CDH12: variants seen among roughly 807,000 people sequenced by gnomAD.
CDH12 encodes cadherin-12.
In CDH12, 41 loss-of-function variants were observed where a neutral mutation model predicts 74.1. The observed-to-expected ratio is 0.55, with a 90% CI of 0.43 to 0.72. CDH12 has a LOEUF of 0.72. CDH12 is among the 30% of genes least tolerant of loss of function. The probability of loss-of-function intolerance (pLI) is 0.00; values close to 1 mark genes in which losing one functional copy is unlikely to be tolerated. For synonymous variants in CDH12, 399 were observed against 355.0 expected (o/e 1.12, Z -1.39); for missense variants, 945 against 977.2 (o/e 0.97, Z 0.44).
intron 1 of CDH12, among the ~76,000 whole-genome samples, chr5:22,516,440 A>C (rs1323657484): frequency 2.0e-5 from 3 of 152,208 alleles, no homozygotes; most frequent in African/African-American, 7.2e-5. Flanking sequence ...TAATTGCTAT[A>C]ATCTATTGAT....
At chr5:22,038,481 C>T (rs1379255858) in intron 5 of CDH12, among the ~76,000 whole-genome samples, 2 of 152,152 alleles carry the variant, frequency 1.3e-5, no homozygotes, top group African/African-American at 2.4e-5. Flanking sequence ...GCTGCACAAC[C>T]CCTCCCAAAG....
At chr5:22,581,294 A>G (rs192177583) in intron 1 of CDH12, among the ~76,000 whole-genome samples, 12 of 152,344 alleles carry the variant, frequency 7.9e-5, no homozygotes, top group South Asian at 2.1e-4. Flanking sequence ...CTGAGTCCCA[A>G]CTGCTCCAGC....
chr5:22,670,697 A>T (rs1740857118), intron 1 of CDH12, among the ~76,000 whole-genome samples: 2 of 152,168 alleles, frequency 1.3e-5, no homozygotes, highest in East Asian at 3.9e-4. Flanking sequence ...ATTCCATGTG[A>T]ACTATACATA....
At chr5:21,826,001 G>C (rs1339745323) in intron 8 of CDH12, among the ~76,000 whole-genome samples, 1 of 152,150 alleles carries the variant, frequency 6.6e-6, no homozygotes, top group African/African-American at 2.4e-5. Context: ...GTTGTTCTGA[G>C]TTTAGAGCTG....
At chr5:21,775,817 C>A (rs1358948562) in intron 11 of CDH12, among the ~76,000 whole-genome samples, 1 of 151,956 alleles carries the variant, frequency 6.6e-6, no homozygotes, top group Non-Finnish European at 1.5e-5. Flanking sequence ...TGTTGCATTT[C>A]TCTTGACATT....
At chr5:22,001,840 G>T (rs1408105636) in intron 5 of CDH12, among the ~76,000 whole-genome samples, 3 of 151,882 alleles carry the variant, frequency 2.0e-5, no homozygotes, top group Admixed American at 1.3e-4. Context: ...ATGTTTGATT[G>T]AGAAATTAAA....
At chr5:22,493,132 T>TGAGA (rs1286844735) in intron 2 of CDH12, among the ~76,000 whole-genome samples, 1 of 152,228 alleles carries the variant, frequency 6.6e-6, no homozygotes, top group Non-Finnish European at 1.5e-5. Flanking sequence ...TCATCGTGGA[T>TGAGA]TCCTCTCAGT....
chr5:22,035,386 G>GTA (rs151272918), intron 5 of CDH12, among the ~76,000 whole-genome samples: 4,920 of 149,392 alleles, frequency 0.033, 202 homozygotes, highest in African/African-American at 0.1. Context: ...TCTGGCCTGT[G>GTA]TATATATATA....
intron 3 of CDH12, among the ~76,000 whole-genome samples, chr5:22,288,993 A>G (rs543873079): frequency 6.6e-6 from 1 of 152,302 alleles, no homozygotes; most frequent in Non-Finnish European, 1.5e-5. Flanking sequence ...AGCCTGGCCT[A>G]CATAGCAAGA....
intron 1 of CDH12, among the ~76,000 whole-genome samples, chr5:22,776,203 T>G (rs1747093236): frequency 6.6e-6 from 1 of 152,148 alleles, no homozygotes; most frequent in African/African-American, 2.4e-5. Flanking sequence ...ACAGGTTAAC[T>G]AATTACATAG....
chr5:22,301,301 G>T (rs1321993831), intron 3 of CDH12, among the ~76,000 whole-genome samples: 2 of 152,216 alleles, frequency 1.3e-5, no homozygotes, highest in Middle Eastern at 3.4e-3. Flanking sequence ...CCAAATAGTT[G>T]TCAGGGGCAC....
intron 3 of CDH12, among the ~76,000 whole-genome samples, chr5:22,315,143 T>TTTTTTTTTTTTTA (rs1554030826): frequency 7.3e-6 from 1 of 136,650 alleles, no homozygotes. Flanking sequence ...TTTTTTTTTT[T>TTTTTTTTTTTTTA]AGTAGAGACG....
At chr5:22,368,864 G>A (rs927798040) in intron 3 of CDH12, among the ~76,000 whole-genome samples, 4 of 152,098 alleles carry the variant, frequency 2.6e-5, no homozygotes, top group East Asian at 1.9e-4. Flanking sequence ...CGGGTCAGGC[G>A]TGGTGGCTCA....
chr5:22,740,488 C>T (rs995522487), intron 1 of CDH12, among the ~76,000 whole-genome samples: 1 of 151,578 alleles, frequency 6.6e-6, no homozygotes, highest in African/African-American at 2.4e-5. Flanking sequence ...TTATGATTCC[C>T]ACTATATCTA....
chr5:22,099,442 A>T (rs1247005435), intron 4 of CDH12, among the ~76,000 whole-genome samples: 1 of 152,180 alleles, frequency 6.6e-6, no homozygotes, highest in African/African-American at 2.4e-5. Flanking sequence ...TTCCCTTCTC[A>T]GAATTCAGGC....
chr5:21,950,405 A>G lies in CDH12; in HGVS notation c.526+24686T>C, dbSNP rs566781255. 2.0e-5 allele frequency among the ~76,000 whole-genome samples: 3 copies of G among 152,310 alleles called. No homozygotes were observed. In the East Asian group the frequency reaches 5.8e-4, roughly 29 times the overall value. ...TGTTTACGTAACCCATTGGAAAGCAAGAAAAAGACACAGAGGAATAAGAAA... is the reference window on the plus strand; with the variant it reads ...TGTTTACGTAACCCATTGGAAAGCAGGAAAAAGACACAGAGGAATAAGAAA... On this transcript the variant is annotated intron_variant, in intron 6 of 14. Coordinates refer to ENST00000382254, the MANE Select transcript of CDH12 (RefSeq NM_004061.5).
chr5:22,818,720 T>A (rs2126468379), intron 1 of CDH12, among the ~76,000 whole-genome samples: 1 of 152,296 alleles, frequency 6.6e-6, no homozygotes, highest in East Asian at 1.9e-4. Flanking sequence ...TATATCTTTC[T>A]GCCACCAGAG....
chr5:22,603,757 T>A (rs1015118560), intron 1 of CDH12, among the ~76,000 whole-genome samples: 26 of 152,134 alleles, frequency 1.7e-4, no homozygotes, highest in African/African-American at 6.0e-4. Flanking sequence ...GTTATAGGTA[T>A]GAAAATAGGA....
intron 3 of CDH12, among the ~76,000 whole-genome samples, chr5:22,386,319 C>G (rs896713843): frequency 6.6e-6 from 1 of 152,134 alleles, no homozygotes; most frequent in African/African-American, 2.4e-5. Flanking sequence ...GATTACAATT[C>G]GACATGAGAT....
Sources: allele counts gnomAD v4.1 joint callset (sites outside exome capture counted in the v4.1 genomes callset), GRCh38; gene constraint gnomAD v4.1.1; transcripts MANE v1.5; gene names NCBI Gene and HGNC (gene_info 2026-07-23, HGNC 2026-07-21).